Variants in SEZ6L observed in about 807,000 individuals in gnomAD.
SEZ6L encodes the protein seizure 6-like protein.
A neutral mutation model predicts 106.2 loss-of-function variants in SEZ6L; 37 were observed. That is an observed-to-expected ratio of 0.35 (90% CI 0.27 to 0.46). SEZ6L has a LOEUF of 0.46. Among genes scored for constraint, SEZ6L ranks in the 20% least tolerant of loss-of-function variants. The pLI is 1.00. For synonymous variants in SEZ6L, 541 were observed against 570.4 expected (o/e 0.95, Z 0.73); for missense variants, 1,172 against 1,332.8 (o/e 0.88, Z 1.88).
At chr22:26,363,805 C>A (rs969682950) in intron 12 of SEZ6L, among the ~76,000 whole-genome samples, 8 of 152,196 alleles carry the variant, frequency 5.3e-5, no homozygotes, top group African/African-American at 1.9e-4. Flanking sequence ...AGTGTGACAC[C>A]TGCCTACGAT....
At chr22:26,294,520 T>C in intron 3 of SEZ6L, 95 bp downstream of exon 3, 2 of 1,373,390 alleles carry the variant, frequency 1.5e-6, no homozygotes, top group Non-Finnish European at 2.0e-6. Flanking sequence ...GCTAACTAGT[T>C]TGGTTCTGTC....
intron 1 of SEZ6L, chr22:26,292,151 A>AGGAC: frequency 2.4e-6 from 1 of 412,642 alleles, no homozygotes; most frequent in Non-Finnish European, 4.3e-6. Flanking sequence ...AAAGAAAGGA[A>AGGAC]GGAAGGAAGG....
At chr22:26,307,134 T>G (rs2081656516) in intron 6 of SEZ6L, among the ~76,000 whole-genome samples, 1 of 152,160 alleles carries the variant, frequency 6.6e-6, no homozygotes, top group African/African-American at 2.4e-5. Context: ...GTGGTCCTGT[T>G]GGAAGGGTGA....
chr22:26,280,965 T>G (rs1393678428), intron 1 of SEZ6L, among the ~76,000 whole-genome samples: 3 of 152,224 alleles, frequency 2.0e-5, no homozygotes. Context: ...TGTTATTCAC[T>G]GTAGTCATCA....
At chr22:26,234,941 T>TCA (rs2078913938) in intron 1 of SEZ6L, among the ~76,000 whole-genome samples, 1 of 152,200 alleles carries the variant, frequency 6.6e-6, no homozygotes, top group Non-Finnish European at 1.5e-5. Flanking sequence ...AGGGTAGAGA[T>TCA]ACCCCCAACG....
chr22:26,282,999 C>T (rs1287320654), intron 1 of SEZ6L, among the ~76,000 whole-genome samples: 1 of 152,134 alleles, frequency 6.6e-6, no homozygotes, highest in Non-Finnish European at 1.5e-5. Context: ...TGGCTCACTG[C>T]AACCTCCACC....
intron 14 of SEZ6L, 27 bp downstream of exon 14, chr22:26,373,510 A>AG (rs397962450): frequency 2.5e-5 from 39 of 1,561,714 alleles, no homozygotes; most frequent in Non-Finnish European, 3.2e-5. Flanking sequence ...AAAAAAAAAA[A>AG]GTTCAATAAA....
At chr22:26,345,880 G>A (rs1301160422) in intron 10 of SEZ6L, among the ~76,000 whole-genome samples, 1 of 152,144 alleles carries the variant, frequency 6.6e-6, no homozygotes, top group Non-Finnish European at 1.5e-5. Context: ...GAGTTTGTAG[G>A]AGAAAAACAG....
intron 1 of SEZ6L, among the ~76,000 whole-genome samples, chr22:26,193,517 A>G (rs1017322320): frequency 7.9e-5 from 12 of 152,160 alleles, no homozygotes; most frequent in African/African-American, 2.7e-4. Flanking sequence ...TGAGAACGGT[A>G]TGCTTTTTTA....
At chr22:26,254,162 T>C (rs1382258455) in intron 1 of SEZ6L, 1 of 152,192 alleles carries the variant, frequency 6.6e-6, no homozygotes, top group Non-Finnish European at 1.5e-5. Context: ...CTTTGTGATT[T>C]GAAAGACCCC....
rs71192914 is a variant in SEZ6L, at chr22:26,338,867, C to CTTTTTTTTTTTTTTTTTTT, written c.2016-1552_2016-1551insTTTTTTTTTTTTTTTTTTT. On this transcript the variant is annotated intron_variant, in intron 9 of 16. Coordinates refer to ENST00000248933, the MANE Select transcript of SEZ6L (RefSeq NM_021115.5). ...CACCACGCCCGGACTTTTTTTTTTT[C>CTTTTTTTTTTTTTTTTTTT]TTTTTTTTTTTTTTTTTGTAGAGAC... is the stretch of plus-strand genomic sequence containing the variant. Among the ~76,000 whole-genome samples, 444 of 87,408 alleles carry CTTTTTTTTTTTTTTTTTTT rather than the reference C, an allele frequency of 5.1e-3. 3 individuals are homozygous for CTTTTTTTTTTTTTTTTTTT. The highest frequency in any genetic ancestry group is 6.7e-3 in the Non-Finnish European group (330 of 49,564). 57.3% of individuals were successfully genotyped at this position (87,408 alleles called of 152,430 possible). A position where few individuals can be genotyped will look rare whatever the true frequency, so the allele number is the denominator to read the frequency against.
intron 12 of SEZ6L, among the ~76,000 whole-genome samples, chr22:26,356,955 CTTT>C (rs35417367): frequency 7.0e-6 from 1 of 143,474 alleles, no homozygotes; most frequent in Admixed American, 7.0e-5. Flanking sequence ...TTCCTCAGAA[CTTT>C]TTTTTTTTTT....
intron 1 of SEZ6L, among the ~76,000 whole-genome samples, chr22:26,190,420 A>C (rs2145654253): frequency 6.6e-6 from 1 of 152,342 alleles, no homozygotes; most frequent in African/African-American, 2.4e-5. Context: ...TTTGGAGGAC[A>C]TACTGTACTA....
intron 10 of SEZ6L, among the ~76,000 whole-genome samples, chr22:26,345,525 TG>T (rs776674324): frequency 1.3e-5 from 2 of 152,220 alleles, no homozygotes; most frequent in Non-Finnish European, 2.9e-5. Context: ...TCTGCAGCTG[TG>T]TCCCAAATCC....
chr22:26,175,006 C>A (rs573931569), intron 1 of SEZ6L, among the ~76,000 whole-genome samples: 7 of 152,272 alleles, frequency 4.6e-5, no homozygotes, highest in African/African-American at 1.4e-4. Context: ...CCTAACATCA[C>A]AAAGGGATTG....
intron 9 of SEZ6L, among the ~76,000 whole-genome samples, chr22:26,316,125 C>T (rs574971475): frequency 3.3e-5 from 5 of 152,308 alleles, no homozygotes; most frequent in Non-Finnish European, 7.4e-5. Flanking sequence ...TCTCTGACTT[C>T]TAGAGTCTGG....
chr22:26,173,836 G>T (rs774626670), intron 1 of SEZ6L, among the ~76,000 whole-genome samples: 2 of 152,158 alleles, frequency 1.3e-5, no homozygotes, highest in African/African-American at 2.4e-5. Flanking sequence ...GGGACAGAGA[G>T]CCCGGGTCTC....
intron 1 of SEZ6L, among the ~76,000 whole-genome samples, chr22:26,287,883 T>C (rs1279301136): frequency 1.3e-5 from 2 of 152,182 alleles, no homozygotes; most frequent in Admixed American, 6.5e-5. Context: ...GACTGAGAGA[T>C]GAATTTATCT....
intron 1 of SEZ6L, among the ~76,000 whole-genome samples, chr22:26,251,558 T>C (rs1334577812): frequency 6.6e-6 from 1 of 152,158 alleles, no homozygotes; most frequent in Non-Finnish European, 1.5e-5. Context: ...TCAGGCATCT[T>C]GGGTTTGTGT....
Sources: allele counts gnomAD v4.1 joint callset (sites outside exome capture counted in the v4.1 genomes callset), GRCh38; gene constraint gnomAD v4.1.1; transcripts MANE v1.5; gene names NCBI Gene and HGNC (gene_info 2026-07-23, HGNC 2026-07-21).